The following HDAC5 variants were observed in gnomAD, a reference collection of about 807,000 sequenced individuals.
The protein encoded by HDAC5 is antigen NY-CO-9.
A neutral mutation model predicts 133.3 loss-of-function variants in HDAC5; 25 were observed. That is an observed-to-expected ratio of 0.19 (90% CI 0.14 to 0.26). HDAC5 has a LOEUF of 0.26. Ranked by LOEUF, HDAC5 falls within the 10% of genes least tolerant of loss-of-function variation. The pLI is 1.00. For synonymous variants in HDAC5, 589 were observed against 610.8 expected, an observed-to-expected ratio of 0.96 and a Z score of 0.53; for missense variants, 1,041 against 1,460.5, an observed-to-expected ratio of 0.71 and a Z score of 4.68.
chr17:44,082,606 G>C lies in HDAC5; in HGVS notation c.2586C>G (p.Gly862=), dbSNP rs199938552. 5 of 1,613,956 alleles carry C rather than the reference G, an allele frequency of 3.1e-6. No individual in the cohort carries two copies. The African/African-American group carries it at 6.7e-5, about 22-fold the overall frequency. Residue 862 remains glycine (G), a synonymous_variant, in exon 20 of 27, where the codon GGC becomes GGG. Coordinates refer to ENST00000682912, the MANE Select transcript of HDAC5 (RefSeq NM_005474.5). ...AKLLQQKLNV[G]KVLIVDWDIH... ...CTACCCAGTCCACGATGAGGACCTT[G>C]CCCACGTTCAACTTCTGCTGTAGGA... is the stretch of plus-strand genomic sequence containing the variant.
intron 3 of HDAC5, among the ~76,000 whole-genome samples, chr17:44,103,687 G>A (rs1309493025): frequency 2.0e-5 from 3 of 151,828 alleles, no homozygotes; most frequent in Non-Finnish European, 2.9e-5. Flanking sequence ...GAAGCCTGTG[G>A]ACCACTTCTC....
At chr17:44,090,004 G>A (rs1375151340) in intron 11 of HDAC5, among the ~76,000 whole-genome samples, 3 of 151,312 alleles carry the variant, frequency 2.0e-5, no homozygotes, top group Admixed American at 6.6e-5. Context: ...AGGCCGAGGC[G>A]AACGGATCAC....
At chr17:44,081,034 A>G in intron 20 of HDAC5, 152 bp from the exon 21 acceptor site, 1 of 938,034 alleles carries the variant, frequency 1.1e-6, no homozygotes, top group Non-Finnish European at 1.6e-6. Flanking sequence ...CCAGGACTCC[A>G]CCCTTGGCCA....
intron 3 of HDAC5, among the ~76,000 whole-genome samples, chr17:44,106,378 T>A (rs1252118447): frequency 2.0e-5 from 3 of 152,152 alleles, no homozygotes; most frequent in Admixed American, 2.0e-4. Flanking sequence ...AAGGCTAGAA[T>A]GGTTCCTGTG....
In HDAC5 at chr17:44,087,434, T is replaced by C; in HGVS notation, c.1862A>G (p.Glu621Gly). The change falls in exon 13 of 27, where the codon GAG becomes GGG. Residue 621 changes from glutamate (E) to glycine (G), a missense_variant. This residue lies in a region of HDAC5 where 433 missense variants were observed against 531.6 expected (regional missense o/e 0.81). Transcript: ENST00000682912. ...SGAEEGPDLEEPGAGYKKLFS... is the reference protein window; with the variant it reads ...SGAEEGPDLEGPGAGYKKLFS... ...CACTTTTTTGTATCCAGCACCAGGC[T>C]CCTCCAAGTCGGGCCCCTCCTCAGC... The C allele has an allele frequency of 5.2e-6, 6 of 1,147,884 alleles. No homozygotes were observed. Among genetic ancestry groups the C allele is most frequent in the Non-Finnish European group, 7.9e-6 (6 of 755,022 alleles). The allele number at this position is 1,147,884 out of a possible 1,614,324, so 71.1% of individuals were successfully genotyped here.
At chr17:44,086,515 C>A in intron 14 of HDAC5, 57 bp downstream of exon 14, 1 of 1,254,118 alleles carries the variant, frequency 8.0e-7, no homozygotes, top group Non-Finnish European at 1.0e-6. Flanking sequence ...GGGGCAGACA[C>A]CACACACAGG....
At position 44,092,369 on chromosome 17, in the gene HDAC5, A is replaced by C; in HGVS notation, c.919+12T>G. On this transcript the variant is annotated intron_variant, in intron 8 of 26. Transcript: ENST00000682912. Reference sequence around the variant, plus strand: ...CAGACCCTCAGAACAGGTACATGAGAGCAGCCCTTACCCCCAGGCCCGGCA... The same window carrying C: ...CAGACCCTCAGAACAGGTACATGAGCGCAGCCCTTACCCCCAGGCCCGGCA... 6.2e-7 allele frequency: 1 copy of C among 1,612,190 alleles called. No homozygotes were observed. The highest frequency in any genetic ancestry group is 1.1e-5 in the South Asian group (1 of 91,046).
At chr17:44,116,954 G>C (rs755736581) in intron 2 of HDAC5, among the ~76,000 whole-genome samples, 1 of 152,100 alleles carries the variant, frequency 6.6e-6, no homozygotes, top group Non-Finnish European at 1.5e-5. Flanking sequence ...GAGGAGAGCC[G>C]AGACTCCTCT....
At position 44,080,514 on chromosome 17, in the gene HDAC5, G is replaced by C; in HGVS notation, c.2728-16C>G. 6.2e-7 allele frequency: 1 copy of C among 1,612,948 alleles called. No individual in the cohort carries two copies. The highest frequency in any genetic ancestry group is 8.5e-7 in the Non-Finnish European group (1 of 1,179,118). On this transcript the variant is annotated splice_polypyrimidine_tract_variant and intron_variant, in intron 21 of 26. Coordinates refer to ENST00000682912, the MANE Select transcript of HDAC5 (RefSeq NM_005474.5). ...CTCCACCAACCTGGCACCAGAGTTGGGGAGAGGGCTATTCTCACCACCTGG... is the reference window on the plus strand; with the variant it reads ...CTCCACCAACCTGGCACCAGAGTTGCGGAGAGGGCTATTCTCACCACCTGG...
In HDAC5 at chr17:44,093,684, G is replaced by T. The variant is rs146365116; in HGVS notation, c.245C>A (p.Ala82Glu). 1.9e-6 allele frequency: 3 copies of T among 1,609,070 alleles called. No homozygotes were observed. In the East Asian group the frequency reaches 6.7e-5, roughly 36 times the overall value. Residue 82 changes from alanine (A) to glutamate (E), a missense_variant, in exon 4 of 27, where the codon GCG (alanine) becomes GAG (glutamate). Around this residue, in one of 9 missense-constraint regions of HDAC5, gnomAD observed 109 missense variants for 168.0 expected, o/e 0.65. Coordinates refer to ENST00000682912, the MANE Select transcript of HDAC5 (RefSeq NM_005474.5). ...CTGCAGCTGCTGCTGCTGCTTGAGC[G>T]CCAGGAGCTCCTGCTGCAGTTGCTG... is the stretch of plus-strand genomic sequence containing the variant. ...REQQLQQELLALKQQQQLQKQ... is the reference protein window; with the variant it reads ...REQQLQQELLELKQQQQLQKQ...
At chr17:44,095,705 G>T (rs1567668521) in intron 3 of HDAC5, among the ~76,000 whole-genome samples, 1 of 152,106 alleles carries the variant, frequency 6.6e-6, no homozygotes, top group African/African-American at 2.4e-5. Context: ...CTGTGCCTGG[G>T]GGGAGGGGGA....
At chr17:44,116,308 C>T (rs948498704) in intron 2 of HDAC5, among the ~76,000 whole-genome samples, 2 of 152,218 alleles carry the variant, frequency 1.3e-5, no homozygotes. Context: ...CCTTTCCCTT[C>T]GCCATCCAGC....
At chr17:44,113,665 C>T (rs941442706) in intron 2 of HDAC5, among the ~76,000 whole-genome samples, 2 of 152,158 alleles carry the variant, frequency 1.3e-5, no homozygotes, top group African/African-American at 4.8e-5. Context: ...CACCCAGAGC[C>T]AGGACTGTCT....
At chr17:44,086,797 G>A in intron 13 of HDAC5, 60 bp from the exon 14 acceptor site, 1 of 1,223,786 alleles carries the variant, frequency 8.2e-7, no homozygotes, top group East Asian at 3.0e-5. Context: ...GGTGAGGGCA[G>A]GCCCTGTCAG....
rs145586416 is a variant in HDAC5, at chr17:44,091,014, T to C, written c.1387+256A>G. On this transcript the variant is annotated intron_variant, in intron 11 of 26. Coordinates refer to ENST00000682912, the MANE Select transcript of HDAC5 (RefSeq NM_005474.5). ...TTCTTTTTACATTTTTTAATGTGGA[T>C]GCTAGAAATTACGTATGTAGATTGT... Among the ~76,000 whole-genome samples, 383 of 152,334 alleles carry C rather than the reference T, an allele frequency of 2.5e-3. 2 individuals are homozygous for C. Among genetic ancestry groups the C allele is most frequent in the African/African-American group, 8.6e-3 (357 of 41,564 alleles).
intron 1 of HDAC5, among the ~76,000 whole-genome samples, chr17:44,119,447 C>A (rs1267153701): frequency 6.6e-6 from 1 of 152,228 alleles, no homozygotes; most frequent in Non-Finnish European, 1.5e-5. Context: ...CCCTAGCCCC[C>A]ATCATCCTAA....
In HDAC5 at chr17:44,093,500, G is replaced by A; in HGVS notation, c.355-15C>T. The A allele has an allele frequency of 6.2e-7, 1 of 1,603,710 alleles. No homozygotes were observed. The highest frequency in any genetic ancestry group is 8.5e-7 in the Non-Finnish European group (1 of 1,174,670). ...TCCTGCTGCTGCTGCAGGGGCATGG[G>A]AACGGAGGCACAAGTGAGCCAGGCC... On this transcript the variant is annotated splice_polypyrimidine_tract_variant and intron_variant, in intron 4 of 26. Transcript: ENST00000682912.
chr17:44,088,425 G>A lies in HDAC5; in HGVS notation c.1561C>T (p.Leu521=), dbSNP rs200878769. ...AGCTGCTGCTGCTTCTGCTTCTCCA[G>A]GAACTGCTGGTGCTGTTGTTGCATG... ...LVMQQQHQQF[L]EKQKQQQLQL... The change falls in exon 12 of 27, where the codon CTG becomes TTG. Residue 521 remains leucine (L), a synonymous_variant. Coordinates refer to ENST00000682912, the MANE Select transcript of HDAC5 (RefSeq NM_005474.5). The A allele has an allele frequency of 8.3e-6, 13 of 1,573,940 alleles. No individual in the cohort carries two copies. The East Asian group carries it at 2.6e-4, about 31-fold the overall frequency.
intron 3 of HDAC5, among the ~76,000 whole-genome samples, chr17:44,106,526 T>C (rs1374397030): frequency 6.6e-6 from 1 of 151,954 alleles, no homozygotes; most frequent in African/African-American, 2.4e-5. Context: ...CGCCAGGCCA[T>C]GCACACTGGC....
Sources: gnomAD v4.1 joint callset for allele counts (sites outside exome capture counted in the v4.1 genomes callset) on GRCh38, gnomAD v4.1.1 for gene constraint, gnomAD v4.1.1 regional missense constraint, MANE v1.5 for transcripts, NCBI Gene and HGNC (gene_info 2026-07-23, HGNC 2026-07-21) for gene names.